The following PCDHGB3 variants were observed in gnomAD, a reference collection of about 807,000 sequenced individuals.
The protein encoded by PCDHGB3 is protocadherin gamma subfamily B, 3.
PCDHGB3 carries 40 observed loss-of-function variants against 59.2 expected under a neutral mutation model. That is an observed-to-expected ratio of 0.68 (90% confidence interval 0.52 to 0.88). PCDHGB3 has a LOEUF of 0.88. Ranked by LOEUF, PCDHGB3 falls within the 40% of genes least tolerant of loss-of-function variation. The probability of loss-of-function intolerance (pLI) is 0.00; values close to 1 mark genes in which losing one functional copy is unlikely to be tolerated. For synonymous variants in PCDHGB3, 581 were observed against 503.6 expected (o/e 1.15, Z -2.06); for missense variants, 1,309 against 1,187.9 (o/e 1.10, Z -1.50).
intron 1 of PCDHGB3, chr5:141,413,229 C>T (rs200934469): frequency 6.2e-7 from 1 of 1,613,914 alleles, no homozygotes; most frequent in African/African-American, 1.3e-5. Context: ...GCGGGCTGGT[C>T]CTGCTCTGCC....
At chr5:141,449,920 A>G (rs1287640011) in intron 1 of PCDHGB3, among the ~76,000 whole-genome samples, 1 of 151,842 alleles carries the variant, frequency 6.6e-6, no homozygotes, top group East Asian at 1.9e-4. Context: ...TTTAAATTCT[A>G]CCATACCTTA....
chr5:141,371,323 AAG>A lies in PCDHGB3; in HGVS notation c.937_938del (p.Asp313Ter). The A allele has an allele frequency of 6.2e-7, 1 of 1,614,012 alleles. No individual in the cohort carries two copies. The highest frequency in any genetic ancestry group is 8.5e-7 in the Non-Finnish European group (1 of 1,179,886). ...ACCACTATTGGAGAACTGGACTTTG[AAG>A]AGAGAGATAGCTACACAATTGGGGT... On this transcript the variant is annotated frameshift_variant, in exon 1 of 4. Coordinates refer to ENST00000576222, the MANE Select transcript of PCDHGB3 (RefSeq NM_018924.5). LOFTEE classifies it high-confidence loss of function.
chr5:141,441,840 C>T (rs2098278154), intron 1 of PCDHGB3: 1 of 355,864 alleles, frequency 2.8e-6, no homozygotes, highest in Non-Finnish European at 5.5e-6. Flanking sequence ...GCTTCGCGCT[C>T]TTGGATATGG....
At chr5:141,451,535 A>G (rs150174911) in intron 1 of PCDHGB3, among the ~76,000 whole-genome samples, 2 of 152,328 alleles carry the variant, frequency 1.3e-5, no homozygotes, top group Non-Finnish European at 2.9e-5. Flanking sequence ...GGAGAGTGCC[A>G]GAGAGGGCAA....
Position 141,489,732 on chromosome 5 carries a change from C to T in PCDHGB3, c.2416-5075C>T, listed in dbSNP as rs1562132763. On this transcript the variant is annotated intron_variant, in intron 1 of 3. Coordinates refer to ENST00000576222, the MANE Select transcript of PCDHGB3 (RefSeq NM_018924.5). This position sits in a 1 kb window ranked among gnomAD's most constrained non-coding sequence, Gnocchi z 4.5. ...GTGCCCAGGATCCGGATGTGGGCAC[C>T]AATACTGTGAGCTTTTACACTCTAA... 3.1e-6 allele frequency: 5 copies of T among 1,614,126 alleles called. No individual in the cohort carries two copies. The highest frequency in any genetic ancestry group is 1.1e-5 in the South Asian group (1 of 91,074).
intron 1 of PCDHGB3, among the ~76,000 whole-genome samples, chr5:141,465,779 G>GT (rs879859429): frequency 0.017 from 2,504 of 144,598 alleles, 23 homozygotes; most frequent in Non-Finnish European, 0.024. Flanking sequence ...TCTTGTTACA[G>GT]TTTTTTTTTT....
rs192747939 is a variant in PCDHGB3 at position 141,487,483 on chromosome 5, T to C, written c.2416-7324T>C. 12 of 1,614,224 alleles carry C rather than the reference T, an allele frequency of 7.4e-6. No individual in the cohort carries two copies. In the Admixed American group the frequency reaches 1.8e-4, roughly 25 times the overall value. On this transcript the variant is annotated intron_variant, in intron 1 of 3. Coordinates refer to ENST00000576222, the MANE Select transcript of PCDHGB3 (RefSeq NM_018924.5). This position sits in a 1 kb window ranked among gnomAD's most constrained non-coding sequence, Gnocchi z 5.0. ...TTGTTGATGTGGGAGGCCACTCTCA[T>C]GGCTGTACACCCTTGGCTTCTGCAC... is the stretch of plus-strand genomic sequence containing the variant.
chr5:141,510,847 A>C (rs1279701390), intron 3 of PCDHGB3, 100 bp from the exon 4 acceptor site: 1 of 1,595,232 alleles, frequency 6.3e-7, no homozygotes, highest in Non-Finnish European at 8.6e-7. Context: ...GTCAAGGCCC[A>C]GGGTGCTGTA....
At chr5:141,447,197 T>C (rs1249080495) in intron 1 of PCDHGB3, among the ~76,000 whole-genome samples, 7 of 152,188 alleles carry the variant, frequency 4.6e-5, no homozygotes, top group Admixed American at 4.6e-4. Context: ...TGGAGTGCAA[T>C]GGCTTGATCT....
intron 1 of PCDHGB3, chr5:141,382,969 TG>T (rs1561593500): frequency 9.9e-6 from 16 of 1,609,418 alleles, no homozygotes; most frequent in Non-Finnish European, 1.4e-5. Flanking sequence ...GGGGACCCCC[TG>T]GGAAGCCTGG....
chr5:141,425,812 G>GA (rs574320012), intron 1 of PCDHGB3, among the ~76,000 whole-genome samples: 9 of 152,054 alleles, frequency 5.9e-5, no homozygotes, highest in South Asian at 4.1e-4. Flanking sequence ...CTTCTGCTTA[G>GA]AAAAAAACAA....
intron 1 of PCDHGB3, chr5:141,396,086 G>T (rs2093341467): frequency 6.6e-6 from 1 of 152,152 alleles, no homozygotes; most frequent in Non-Finnish European, 1.5e-5. Flanking sequence ...GATGTGAAGT[G>T]GTGAGAATGT....
chr5:141,409,205 A>G (rs766592481), intron 1 of PCDHGB3: 3 of 1,614,068 alleles, frequency 1.9e-6, no homozygotes, highest in Non-Finnish European at 1.7e-6. Context: ...TAAAGTAATC[A>G]TAGAAATCCT....
Position 141,497,143 on chromosome 5 carries a change from G to GA in PCDHGB3, c.2474+2287dup, listed in dbSNP as rs928640875. ...AGAGGTTGCAGTGAGCTGAGATCAC[G>GA]AAAAAAAAATAATCTAGCCACAAAT... On this transcript the variant is annotated intron_variant, in intron 2 of 3. Coordinates refer to ENST00000576222, the MANE Select transcript of PCDHGB3 (RefSeq NM_018924.5). 1.3e-3 allele frequency among the ~76,000 whole-genome samples: 194 copies of GA among 150,104 alleles called. 4 individuals are homozygous for GA. The highest frequency in any genetic ancestry group is 7.6e-3 in the Admixed American group (115 of 15,100).
intron 1 of PCDHGB3, chr5:141,396,761 A>G (rs2093430785): frequency 6.6e-6 from 1 of 152,352 alleles, no homozygotes; most frequent in African/African-American, 2.4e-5. Context: ...GACCCAATAA[A>G]TGTTTGTTAT....
Position 141,486,740 on chromosome 5 carries a change from T to G in PCDHGB3, c.2416-8067T>G. Reference sequence around the variant, plus strand: ...AGGAGCTGTTCATGCTACTCGATCCTTTGACTATGAGCAAACCCAGACACT... The same window carrying G: ...AGGAGCTGTTCATGCTACTCGATCCGTTGACTATGAGCAAACCCAGACACT... On this transcript the variant is annotated intron_variant, in intron 1 of 3. Transcript: ENST00000576222. This position sits in a 1 kb window ranked among gnomAD's most constrained non-coding sequence, Gnocchi z 5.0. 6.2e-7 allele frequency: 1 copy of G among 1,614,234 alleles called. No individual in the cohort carries two copies. The highest frequency in any genetic ancestry group is 8.5e-7 in the Non-Finnish European group (1 of 1,180,046).
At chr5:141,430,689 T>A in intron 1 of PCDHGB3, 1 of 1,408,998 alleles carries the variant, frequency 7.1e-7, no homozygotes, top group Non-Finnish European at 9.4e-7. Flanking sequence ...TCCCATTCTA[T>A]GGGCGAAGGA....
At chr5:141,389,640 G>A in intron 1 of PCDHGB3, 1 of 1,612,974 alleles carries the variant, frequency 6.2e-7, no homozygotes, top group Non-Finnish European at 8.5e-7. Flanking sequence ...TGGCTACTTG[G>A]TGACCAAGGT....
At chr5:141,475,315 A>G (rs766425496) in intron 1 of PCDHGB3, among the ~76,000 whole-genome samples, 2 of 152,182 alleles carry the variant, frequency 1.3e-5, no homozygotes, top group Non-Finnish European at 2.9e-5. Flanking sequence ...CCTGGTTCTT[A>G]AGAAATGAGA....
Sources: gnomAD v4.1 joint callset for allele counts (sites outside exome capture counted in the v4.1 genomes callset) on GRCh38, gnomAD v4.1.1 for gene constraint, Gnocchi (gnomAD v3.1) non-coding constraint, MANE v1.5 for transcripts, NCBI Gene and HGNC (gene_info 2026-07-23, HGNC 2026-07-21) for gene names.